The following CEMIP variants were observed in gnomAD, a reference collection of about 807,000 sequenced individuals.
CEMIP encodes the protein cell migration-inducing and hyaluronan-binding protein.
In CEMIP, 105 loss-of-function variants were observed where a neutral mutation model predicts 156.9. The ratio of observed to expected loss-of-function variants is 0.67; its 90% CI spans 0.57 to 0.79. CEMIP has a LOEUF of 0.79. Among genes scored for constraint, CEMIP ranks in the 30% least tolerant of loss-of-function variants. The pLI is 0.00. For missense variants in CEMIP, 1,457 were observed against 1,769.4 expected (o/e 0.82, Z 3.17); for synonymous variants, 676 against 668.4 (o/e 1.01, Z -0.17).
chr15:80,814,226 T>A (rs1896738353), intron 1 of CEMIP, among the ~76,000 whole-genome samples: 1 of 151,982 alleles, frequency 6.6e-6, no homozygotes, highest in Admixed American at 6.6e-5. Context: ...TTTTTTTGTA[T>A]TTTTAGTAGA....
Position 80,929,077 on chromosome 15 carries a change from G to A in CEMIP, c.2515G>A (p.Val839Ile), listed in dbSNP as rs1339741582. The A allele has an allele frequency of 6.2e-7, 1 of 1,614,248 alleles. No individual in the cohort carries two copies. The highest frequency in any genetic ancestry group is 1.3e-5 in the African/African-American group (1 of 75,072). ...GCAAGAGATAAAGAACAGCTTGTTT[G>A]TTGGCGAGAGTGGCAACGTGGGGAC... ...SKQEIKNSLF[V>I]GESGNVGTEM... Residue 839 changes from valine (V) to isoleucine (I), a missense_variant, in exon 21 of 30, where the codon GTT (valine) becomes ATT (isoleucine). Val to Ile is a conservative substitution (Grantham distance 29). Transcript: ENST00000394685.
chr15:80,930,440 C>T (rs1487096597), intron 21 of CEMIP, among the ~76,000 whole-genome samples: 4 of 152,188 alleles, frequency 2.6e-5, no homozygotes, highest in Non-Finnish European at 5.9e-5. Context: ...CCTCAAATTG[C>T]ATCTGCAAGT....
chr15:80,912,077 G>A (rs1487472988), intron 14 of CEMIP, among the ~76,000 whole-genome samples: 1 of 151,226 alleles, frequency 6.6e-6, no homozygotes, highest in East Asian at 2.0e-4. Flanking sequence ...AAGGCTGGGA[G>A]AGCTGGGAGA....
Position 80,949,640 on chromosome 15 carries a change from G to A in CEMIP, c.*716G>A, listed in dbSNP as rs746348318. 6.3e-6 allele frequency: 1 copy of A among 158,490 alleles called. No individual in the cohort carries two copies. The highest frequency in any genetic ancestry group is 1.4e-5 in the Non-Finnish European group (1 of 71,276). 9.8% of individuals were successfully genotyped at this position (158,490 alleles called of 1,614,324 possible). On this transcript the variant is annotated 3_prime_UTR_variant, in exon 30 of 30. Coordinates refer to ENST00000394685, the MANE Select transcript of CEMIP (RefSeq NM_001293298.2). ...ATATCCACTGATATCCATGATGCTGGGTGCCCCAGCGCACACGGGATGGAG... is the reference window on the plus strand; with the variant it reads ...ATATCCACTGATATCCATGATGCTGAGTGCCCCAGCGCACACGGGATGGAG...
chr15:80,900,642 G>A (rs867465690), intron 12 of CEMIP, among the ~76,000 whole-genome samples: 1 of 127,136 alleles, frequency 7.9e-6, no homozygotes, highest in African/African-American at 2.9e-5. Flanking sequence ...GTGTGTGTGT[G>A]TGTGTGTCTG....
At chr15:80,846,701 TG>T (rs545516648) in intron 1 of CEMIP, among the ~76,000 whole-genome samples, 107 of 152,090 alleles carry the variant, frequency 7.0e-4, no homozygotes, top group African/African-American at 2.4e-3. Flanking sequence ...TGCCACTAGG[TG>T]GGGCAGGATT....
intron 1 of CEMIP, among the ~76,000 whole-genome samples, chr15:80,812,710 T>C (rs528290099): frequency 5.3e-5 from 8 of 152,354 alleles, no homozygotes; most frequent in African/African-American, 1.9e-4. Flanking sequence ...ACCAGATTTA[T>C]AGTTAAACAT....
intron 18 of CEMIP, 82 bp downstream of exon 18, chr15:80,924,788 T>G: frequency 2.6e-6 from 3 of 1,174,522 alleles, no homozygotes; most frequent in Non-Finnish European, 3.8e-6. Context: ...CACTCATTCA[T>G]TCCCTGAGCA....
intron 1 of CEMIP, among the ~76,000 whole-genome samples, chr15:80,815,401 T>C (rs1596108208): frequency 6.6e-6 from 1 of 152,242 alleles, no homozygotes; most frequent in Non-Finnish European, 1.5e-5. Flanking sequence ...TCTTTGGTCA[T>C]GAAAACGAGG....
chr15:80,885,799 CA>C, intron 7 of CEMIP, among the ~76,000 whole-genome samples: 1 of 152,206 alleles, frequency 6.6e-6, no homozygotes, highest in Non-Finnish European at 1.5e-5. Context: ...ACAGAATAAG[CA>C]CTCCATAAAT....
chr15:80,897,247 T>C (rs1370637703), intron 12 of CEMIP: 1 of 456,056 alleles, frequency 2.2e-6, no homozygotes, highest in Non-Finnish European at 4.4e-6. Context: ...GTATCCAATA[T>C]ACTCACCATA....
intron 12 of CEMIP, among the ~76,000 whole-genome samples, chr15:80,902,242 C>T (rs1899594805): frequency 6.6e-6 from 1 of 152,238 alleles, no homozygotes. Context: ...AGGGTGACAT[C>T]TGCAGCCCTG....
In CEMIP at chr15:80,946,987, A is replaced by G; in HGVS notation, c.3880A>G (p.Lys1294Glu). ...PDNSIVLMAS[K>E]GRYVSRGPWT... The stretch of plus-strand genomic sequence containing the variant: ...CAGTTCCATAGTGCTTATGGCATCA[A>G]AGGGAAGATACGTCTCCAGAGGCCC... Residue 1294 changes from lysine to glutamate, a missense_variant, in exon 29 of 30, where the codon AAG becomes GAG. By Grantham distance (56) the Lys-to-Glu change is moderately conservative. This residue lies in a region of CEMIP where 798 missense variants were observed against 980.1 expected (regional missense o/e 0.81). Transcript: ENST00000394685. 1 of 1,613,672 alleles carries G rather than the reference A, an allele frequency of 6.2e-7. No individual in the cohort carries two copies. The highest frequency in any genetic ancestry group is 8.5e-7 in the Non-Finnish European group (1 of 1,179,570).
intron 1 of CEMIP, among the ~76,000 whole-genome samples, chr15:80,797,170 C>G (rs529119469): frequency 6.6e-6 from 1 of 152,160 alleles, no homozygotes; most frequent in Non-Finnish European, 1.5e-5. Flanking sequence ...GAATTGTGCA[C>G]AGCAACCTGT....
In CEMIP at chr15:80,929,547, G is replaced by A. The variant is rs149310703; in HGVS notation, c.2612+373G>A. The stretch of plus-strand genomic sequence containing the variant: ...GATGGCAGAGCAATAGAGTCAGGCC[G>A]AAGCACACTTAAAGGAGAATAACCA... On this transcript the variant is annotated intron_variant, in intron 21 of 29. Coordinates refer to ENST00000394685, the MANE Select transcript of CEMIP (RefSeq NM_001293298.2). Among the ~76,000 whole-genome samples, 740 of 152,290 alleles carry A rather than the reference G, an allele frequency of 4.9e-3. 6 individuals carry two copies. Among genetic ancestry groups the A allele is most frequent in the African/African-American group, 0.016 (679 of 41,562 alleles).
intron 19 of CEMIP, among the ~76,000 whole-genome samples, chr15:80,926,833 CTTCTT>C (rs1900698114): frequency 9.6e-6 from 1 of 104,128 alleles, no homozygotes; most frequent in African/African-American, 4.5e-5. Context: ...GGGGGGGGGT[CTTCTT>C]TTTTTTTTTT....
At chr15:80,942,763 T>A (rs1901390532) in intron 27 of CEMIP, among the ~76,000 whole-genome samples, 182 bp from the exon 28 acceptor site, 1 of 152,216 alleles carries the variant, frequency 6.6e-6, no homozygotes, top group Non-Finnish European at 1.5e-5. Context: ...ACATAACTTT[T>A]GCAGGGCCAC....
intron 13 of CEMIP, among the ~76,000 whole-genome samples, chr15:80,907,997 G>A (rs1348481131): frequency 6.6e-6 from 1 of 152,156 alleles, no homozygotes; most frequent in Non-Finnish European, 1.5e-5. Context: ...TATGTGAGAT[G>A]ACTCTTTGTC....
At position 80,889,710 on chromosome 15, in the gene CEMIP, A is replaced by G. The variant is rs1266316063; in HGVS notation, c.1086+118A>G. On this transcript the variant is annotated intron_variant, in intron 10 of 29. Coordinates refer to ENST00000394685, the MANE Select transcript of CEMIP (RefSeq NM_001293298.2). ...GATTCTCGTTGCCCTCCTGTGAGGT[A>G]GGTCAGCCAAAGAGTACCATTCCCA... 2.3e-6 allele frequency: 3 copies of G among 1,318,762 alleles called. No individual in the cohort carries two copies. In the East Asian group the frequency reaches 7.3e-5, roughly 32 times the overall value. 81.7% of individuals were successfully genotyped at this position (1,318,762 alleles called of 1,614,324 possible).
Sources: gnomAD v4.1 joint callset for allele counts (sites outside exome capture counted in the v4.1 genomes callset) on GRCh38, gnomAD v4.1.1 for gene constraint, gnomAD v4.1.1 regional missense constraint, MANE v1.5 for transcripts, NCBI Gene and HGNC (gene_info 2026-07-23, HGNC 2026-07-21) for gene names.